PHF14: variants seen among roughly 807,000 people sequenced by gnomAD.
The protein encoded by PHF14 is PHD finger protein 14.
A neutral mutation model predicts 117.9 loss-of-function variants in PHF14; 55 were observed. The ratio of observed to expected loss-of-function variants is 0.47; its 90% CI spans 0.38 to 0.58. The LOEUF is 0.58. PHF14 is among the 20% of genes least tolerant of loss of function. The pLI is 0.00. For missense variants in PHF14, 978 were observed against 1,122.2 expected, an observed-to-expected ratio of 0.87 and a Z score of 1.84; for synonymous variants, 409 against 368.6, an observed-to-expected ratio of 1.11 and a Z score of -1.26.
chr7:11,105,245 G>T (rs1787219690), intron 16 of PHF14: 1 of 957,744 alleles, frequency 1.0e-6, no homozygotes, highest in African/African-American at 1.8e-5. Flanking sequence ...ATAGATCATT[G>T]TCATTCGTTG....
chr7:11,042,186 T>A (rs1207722336), intron 12 of PHF14, among the ~76,000 whole-genome samples: 1 of 152,000 alleles, frequency 6.6e-6, no homozygotes, highest in Admixed American at 6.6e-5. Context: ...AAGAGACTCA[T>A]GTATACTTGC....
rs187414966 is a variant in PHF14 at position 11,115,716 on chromosome 7, G to A, written c.2772+4249G>A. On this transcript the variant is annotated intron_variant, in intron 17 of 17. Transcript: ENST00000634607. ...AAGGTCATTTATGGCAAAAGGATTC[G>A]GTATAGAATCACAGGTTACATTTAG... Among the ~76,000 whole-genome samples, 6 of 152,044 alleles carry A rather than the reference G, an allele frequency of 3.9e-5. No individual in the cohort carries two copies. The East Asian group carries it at 7.7e-4, about 20-fold the overall frequency.
intron 16 of PHF14, among the ~76,000 whole-genome samples, chr7:11,075,460 A>T (rs544313395): frequency 6.6e-6 from 1 of 152,154 alleles, no homozygotes; most frequent in Admixed American, 6.5e-5. Context: ...GGGAGCTGGC[A>T]TATCACATAG....
chr7:11,056,426 CA>C (rs1488862279), intron 14 of PHF14, among the ~76,000 whole-genome samples: 7 of 151,988 alleles, frequency 4.6e-5, no homozygotes, highest in African/African-American at 1.7e-4. Context: ...GTAGTTAAGA[CA>C]AATTGGTTAT....
chr7:11,090,890 G>C (rs1429052379), intron 16 of PHF14, among the ~76,000 whole-genome samples: 1 of 152,194 alleles, frequency 6.6e-6, no homozygotes, highest in Non-Finnish European at 1.5e-5. Context: ...TAGGTTTTAG[G>C]AGATTGGGTC....
intron 17 of PHF14, among the ~76,000 whole-genome samples, chr7:11,147,142 C>T (rs893022598): frequency 2.0e-5 from 3 of 152,232 alleles, no homozygotes; most frequent in Non-Finnish European, 2.9e-5. Context: ...GCCGCCACAC[C>T]CAGCCTATTT....
intron 4 of PHF14, among the ~76,000 whole-genome samples, chr7:11,011,986 A>G (rs1254626052): frequency 6.6e-6 from 1 of 152,200 alleles, no homozygotes; most frequent in Non-Finnish European, 1.5e-5. Flanking sequence ...GGTAGTAATA[A>G]CAAACTTTTA....
Position 10,990,856 on chromosome 7 carries a change from G to A in PHF14, c.1045+9G>A, listed in dbSNP as rs1279798143. 6.4e-7 allele frequency: 1 copy of A among 1,563,138 alleles called. No homozygotes were observed. The highest frequency in any genetic ancestry group is 1.9e-5 in the Admixed American group (1 of 53,472). On this transcript the variant is annotated intron_variant, in intron 4 of 17. Coordinates refer to ENST00000634607, the MANE Select transcript of PHF14 (RefSeq NM_001007157.2). Reference sequence around the variant, plus strand: ...CATTACAGTCCATGAAGGTAATGTTGCTTTCTTTTCTCTCTTTTTAGAAAT... The same window carrying A: ...CATTACAGTCCATGAAGGTAATGTTACTTTCTTTTCTCTCTTTTTAGAAAT...
Position 11,149,254 on chromosome 7 carries a change from TG to T in PHF14, c.2773-20161del, listed in dbSNP as rs201233738. On this transcript the variant is annotated intron_variant, in intron 17 of 17. Transcript: ENST00000634607. ...CACACACAAATTTTTTTAACATGCT[TG>T]ATTTGCCATCATTTAATCTAAAGTC... is the stretch of plus-strand genomic sequence containing the variant. Among the ~76,000 whole-genome samples, 947 of 152,304 alleles carry T rather than the reference TG, an allele frequency of 6.2e-3. 7 individuals carry two copies. Among genetic ancestry groups the T allele is most frequent in the African/African-American group, 0.022 (906 of 41,572 alleles).
chr7:11,016,300 T>A (rs945762119), intron 5 of PHF14, among the ~76,000 whole-genome samples: 13 of 152,006 alleles, frequency 8.6e-5, no homozygotes, highest in African/African-American at 3.1e-4. Flanking sequence ...GCCAAGAAAA[T>A]TCGAGAAGCC....
intron 17 of PHF14, among the ~76,000 whole-genome samples, chr7:11,158,566 G>A (rs10279430): frequency 0.11 from 16,173 of 152,012 alleles, 1,051 homozygotes; most frequent in African/African-American, 0.18. Flanking sequence ...AATCATTTGA[G>A]TTTGGAAGAC....
chr7:11,022,158 A>G (rs1282706472), intron 5 of PHF14, among the ~76,000 whole-genome samples: 1 of 152,196 alleles, frequency 6.6e-6, no homozygotes, highest in Admixed American at 6.5e-5. Context: ...TTTTCAGTGT[A>G]CTGAAACTCT....
intron 17 of PHF14, among the ~76,000 whole-genome samples, chr7:11,116,844 A>C (rs1787614986): frequency 6.6e-6 from 1 of 152,076 alleles, no homozygotes; most frequent in African/African-American, 2.4e-5. Context: ...ACTTTTTGGA[A>C]TTTTAAATTT....
intron 6 of PHF14, among the ~76,000 whole-genome samples, chr7:11,025,402 A>G (rs946381646): frequency 1.3e-5 from 2 of 152,252 alleles, no homozygotes; most frequent in Non-Finnish European, 2.9e-5. Flanking sequence ...AGGAAGTTCT[A>G]CCATGGGTAA....
At position 11,105,827 on chromosome 7, in the gene PHF14, A is replaced by G. The variant is rs1787242030; in HGVS notation, c.2655-5523A>G. 19 of 984,578 alleles carry G rather than the reference A, an allele frequency of 1.9e-5. No individual in the cohort carries two copies. The South Asian group carries it at 5.6e-4, about 29-fold the overall frequency. 61.0% of individuals were successfully genotyped at this position (984,578 alleles called of 1,614,324 possible). A position where few individuals can be genotyped will look rare whatever the true frequency, so the allele number is the denominator to read the frequency against. Reference sequence around the variant, plus strand: ...ATTGGATGCACATGCTGGGCTTTGTAAATAAAATGAGATTGACACCCAGCA... The same window carrying G: ...ATTGGATGCACATGCTGGGCTTTGTGAATAAAATGAGATTGACACCCAGCA... On this transcript the variant is annotated intron_variant, in intron 16 of 17. Coordinates refer to ENST00000634607, the MANE Select transcript of PHF14 (RefSeq NM_001007157.2).
rs182287353 is a variant in PHF14 at position 11,097,147 on chromosome 7, T to A, written c.2655-14203T>A. Among the ~76,000 whole-genome samples the A allele has an allele frequency of 3.5e-3, 527 of 151,874 alleles. 4 individuals carry two copies. The highest frequency in any genetic ancestry group is 0.012 in the African/African-American group (512 of 41,424). On this transcript the variant is annotated intron_variant, in intron 16 of 17. Transcript: ENST00000634607. ...GGCATGCACCACCATGCCCGGCTAA[T>A]TTTATATTTGTAGTAGAGATGGGGT...
chr7:11,166,162 C>T (rs141774562), intron 17 of PHF14, among the ~76,000 whole-genome samples: 27 of 152,160 alleles, frequency 1.8e-4, no homozygotes, highest in Admixed American at 3.9e-4. Context: ...AAGAGGTAAG[C>T]CTGTCTACTT....
intron 4 of PHF14, among the ~76,000 whole-genome samples, chr7:11,003,806 CTACTT>C (rs1782967825): frequency 6.6e-6 from 1 of 152,196 alleles, no homozygotes; most frequent in Non-Finnish European, 1.5e-5. Flanking sequence ...TGTCTCAACT[CTACTT>C]CTCTTTGCAT....
At chr7:11,116,017 G>A (rs898907198) in intron 17 of PHF14, among the ~76,000 whole-genome samples, 4 of 151,978 alleles carry the variant, frequency 2.6e-5, no homozygotes, top group African/African-American at 7.2e-5. Flanking sequence ...TAATTAATTA[G>A]TGATTTCTGG....
Sources: allele counts gnomAD v4.1 joint callset (sites outside exome capture counted in the v4.1 genomes callset), GRCh38; gene constraint gnomAD v4.1.1; transcripts MANE v1.5; gene names NCBI Gene and HGNC (gene_info 2026-07-23, HGNC 2026-07-21).